SP5: variants seen among roughly 807,000 people sequenced by gnomAD.
The protein encoded by SP5 is transcription factor Sp5.
In SP5, 12 loss-of-function variants were observed where a neutral mutation model predicts 27.4. That is an observed-to-expected ratio of 0.44 (90% CI 0.28 to 0.71). The LOEUF is 0.71. Ranked by LOEUF, SP5 falls within the 30% of genes least tolerant of loss-of-function variation. SP5 has a pLI of 0.15. For synonymous variants in SP5, 330 were observed against 290.7 expected (o/e 1.14, Z -1.38); for missense variants, 660 against 589.8 (o/e 1.12, Z -1.23).
At position 170,717,280 on chromosome 2, in the gene SP5, G is replaced by C; in HGVS notation, c.1073G>C (p.Cys358Ser). The part of the protein sequence containing the change: ...RTHTGEKRFA[C>S]PECGKRFMRS... ...CACACGGGCGAGAAGCGCTTTGCCT[G>C]TCCCGAGTGCGGCAAGCGCTTCATG... The change falls in exon 2 of 2, where the codon TGT becomes TCT. Residue 358 changes from cysteine to serine, a missense_variant. Coordinates refer to ENST00000375281, the MANE Select transcript of SP5 (RefSeq NM_001003845.3). The C allele has an allele frequency of 6.2e-7, 1 of 1,610,048 alleles. No individual in the cohort carries two copies. Among genetic ancestry groups the C allele is most frequent in the Non-Finnish European group, 8.5e-7 (1 of 1,179,774 alleles).
chr2:170,717,577 A>T lies in SP5; in HGVS notation c.*173A>T. ...CGGACATAGGGACCCAGTTCCCAGG[A>T]GCGGGGAGGTAGGGTTGGGGCTGGG... On this transcript the variant is annotated 3_prime_UTR_variant, in exon 2 of 2. Transcript: ENST00000375281. 1 of 868,518 alleles carries T rather than the reference A, an allele frequency of 1.2e-6. No individual in the cohort carries two copies. The highest frequency in any genetic ancestry group is 1.7e-6 in the Non-Finnish European group (1 of 579,184). 53.8% of individuals were successfully genotyped at this position (868,518 alleles called of 1,614,324 possible). A position where few individuals can be genotyped will look rare whatever the true frequency, so the allele number is the denominator to read the frequency against.
In SP5 at chr2:170,717,579, C is replaced by G. The variant is rs970035164; in HGVS notation, c.*175C>G. ...GACATAGGGACCCAGTTCCCAGGAGCGGGGAGGTAGGGTTGGGGCTGGGGC... is the reference window on the plus strand; with the variant it reads ...GACATAGGGACCCAGTTCCCAGGAGGGGGGAGGTAGGGTTGGGGCTGGGGC... On this transcript the variant is annotated 3_prime_UTR_variant, in exon 2 of 2. Transcript: ENST00000375281. 2 of 866,674 alleles carry G rather than the reference C, an allele frequency of 2.3e-6. No homozygotes were observed. The highest frequency in any genetic ancestry group is 3.5e-6 in the Non-Finnish European group (2 of 578,034). 53.7% of individuals were successfully genotyped at this position (866,674 alleles called of 1,614,324 possible).
At position 170,715,360 on chromosome 2, in the gene SP5, C is replaced by G; in HGVS notation, c.-153C>G. On this transcript the variant is annotated 5_prime_UTR_variant, in exon 1 of 2. Transcript: ENST00000375281. ...TCAGACCGCGCGCGGGGCGAGCGAG[C>G]GGGGCGCGGCGAGGGGCAAGGGCGG... The G allele has an allele frequency of 2.0e-6, 2 of 995,326 alleles. No homozygotes were observed. The highest frequency in any genetic ancestry group is 3.5e-4 in the Middle Eastern group (1 of 2,896). The allele number at this position is 995,326 out of a possible 1,614,324, so 61.7% of individuals were successfully genotyped here.
rs971139279 is a variant in SP5, at chr2:170,715,776, G to T, written c.51+213G>T. On this transcript the variant is annotated intron_variant, in intron 1 of 1. Transcript: ENST00000375281. ...ATCCGGGATTGTTCGGAGGTGCCCGGCTGGCCGAGAACAGGACCGGAGCTC... is the reference window on the plus strand; with the variant it reads ...ATCCGGGATTGTTCGGAGGTGCCCGTCTGGCCGAGAACAGGACCGGAGCTC... 3.0e-6 allele frequency: 3 copies of T among 985,328 alleles called. No individual in the cohort carries two copies. The African/African-American group carries it at 5.2e-5, about 17-fold the overall frequency. The allele number at this position is 985,328 out of a possible 1,614,324, so 61.0% of individuals were successfully genotyped here.
chr2:170,716,518 C>A lies in SP5; in HGVS notation c.311C>A (p.Ser104Tyr). 2 of 1,611,150 alleles carry A rather than the reference C, an allele frequency of 1.2e-6. No individual in the cohort carries two copies. The highest frequency in any genetic ancestry group is 1.7e-6 in the Non-Finnish European group (2 of 1,179,398). ...LTPQKTHLQPSFGAAHELPLT... is the reference protein window; with the variant it reads ...LTPQKTHLQPYFGAAHELPLT... ...CCGCAGAAGACGCACCTGCAGCCGT[C>A]CTTCGGGGCTGCGCACGAGCTTCCC... The change falls in exon 2 of 2, where the codon TCC (serine) becomes TAC (tyrosine). Residue 104 changes from serine to tyrosine, a missense_variant. Ser to Tyr is a moderately radical substitution (Grantham distance 144). Coordinates refer to ENST00000375281, the MANE Select transcript of SP5 (RefSeq NM_001003845.3).
Position 170,715,348 on chromosome 2 carries a change from G to A in SP5, c.-165G>A. ...ATCCTGAAGCGCTCAGACCGCGCGCGGGGCGAGCGAGCGGGGCGCGGCGAG... is the reference window on the plus strand; with the variant it reads ...ATCCTGAAGCGCTCAGACCGCGCGCAGGGCGAGCGAGCGGGGCGCGGCGAG... On this transcript the variant is annotated 5_prime_UTR_variant, in exon 1 of 2. Coordinates refer to ENST00000375281, the MANE Select transcript of SP5 (RefSeq NM_001003845.3). The A allele has an allele frequency of 3.5e-6, 3 of 863,374 alleles. No homozygotes were observed. Among genetic ancestry groups the A allele is most frequent in the Non-Finnish European group, 4.9e-6 (3 of 616,906 alleles). The allele number at this position is 863,374 out of a possible 1,614,324, so 53.5% of individuals were successfully genotyped here. A position where few individuals can be genotyped will look rare whatever the true frequency, so the allele number is the denominator to read the frequency against.
rs1271611665 is a variant in SP5 at position 170,716,633 on chromosome 2, C to T, written c.426C>T (p.Cys142=). The change falls in exon 2 of 2, where the codon TGC becomes TGT. Residue 142 remains cysteine, a synonymous_variant. Coordinates refer to ENST00000375281, the MANE Select transcript of SP5 (RefSeq NM_001003845.3). ...PSSMAALPAS[C]APAYVPYAAQ... is the part of the protein sequence containing the mutation. ...GCATGGCGGCTCTGCCCGCCAGCTG[C>T]GCGCCCGCCTACGTGCCCTACGCGG... is the stretch of plus-strand genomic sequence containing the variant. The T allele has an allele frequency of 4.4e-6, 7 of 1,606,940 alleles. No individual in the cohort carries two copies. The highest frequency in any genetic ancestry group is 5.9e-6 in the Non-Finnish European group (7 of 1,178,052).
chr2:170,716,531 G>C lies in SP5; in HGVS notation c.324G>C (p.Ala108=). 6.2e-7 allele frequency: 1 copy of C among 1,611,122 alleles called. No individual in the cohort carries two copies. The highest frequency in any genetic ancestry group is 8.5e-7 in the Non-Finnish European group (1 of 1,179,362). The change falls in exon 2 of 2, where the codon GCG becomes GCC. Residue 108 remains alanine, a synonymous_variant. Coordinates refer to ENST00000375281, the MANE Select transcript of SP5 (RefSeq NM_001003845.3). ...ACCTGCAGCCGTCCTTCGGGGCTGCGCACGAGCTTCCCCTTACACCCCCCG... is the reference window on the plus strand; with the variant it reads ...ACCTGCAGCCGTCCTTCGGGGCTGCCCACGAGCTTCCCCTTACACCCCCCG... ...KTHLQPSFGA[A]HELPLTPPAD... is the part of the protein sequence containing the mutation.
rs752582801 is a variant in SP5 at position 170,717,271 on chromosome 2, G to T, written c.1064G>T (p.Arg355Leu). Residue 355 changes from arginine (R) to leucine (L), a missense_variant, in exon 2 of 2, where the codon CGC becomes CTC. Arg to Leu is a moderately radical substitution (Grantham distance 102, BLOSUM62 -2). Transcript: ENST00000375281. Reference sequence around the variant, plus strand: ...CTGCGGACTCACACGGGCGAGAAGCGCTTTGCCTGTCCCGAGTGCGGCAAG... The same window carrying T: ...CTGCGGACTCACACGGGCGAGAAGCTCTTTGCCTGTCCCGAGTGCGGCAAG... ...RHLRTHTGEK[R>L]FACPECGKRF... 5 of 1,609,740 alleles carry T rather than the reference G, an allele frequency of 3.1e-6. No individual in the cohort carries two copies. The highest frequency in any genetic ancestry group is 1.7e-5 in the Admixed American group (1 of 59,912).
Position 170,717,113 on chromosome 2 carries a change from C to A in SP5, c.906C>A (p.Gly302=), listed in dbSNP as rs151104583. ...KKKQHVCHVP[G]CGKVYGKTSH... ...AGCAGCACGTGTGCCACGTGCCGGG[C>A]TGCGGCAAGGTGTACGGGAAGACGT... The change falls in exon 2 of 2, where the codon GGC becomes GGA. Residue 302 remains glycine (G), a synonymous_variant. Transcript: ENST00000375281. 4.0e-4 allele frequency: 632 copies of A among 1,590,344 alleles called. 2 individuals carry two copies. Among genetic ancestry groups the A allele is most frequent in the Non-Finnish European group, 5.0e-4 (582 of 1,169,720 alleles).
Position 170,716,459 on chromosome 2 carries a change from A to C in SP5, c.252A>C (p.Ala84=), listed in dbSNP as rs1700069748. The C allele has an allele frequency of 6.2e-7, 1 of 1,606,158 alleles. No individual in the cohort carries two copies. The highest frequency in any genetic ancestry group is 8.5e-7 in the Non-Finnish European group (1 of 1,178,994). ...ACATGCCGGCGCACTCGCCAGGCGCACTGCCGCCCCCGCATCCCAGCTTGG... is the reference window on the plus strand; with the variant it reads ...ACATGCCGGCGCACTCGCCAGGCGCCCTGCCGCCCCCGCATCCCAGCTTGG... ...TADMPAHSPG[A]LPPPHPSLGL... is the part of the protein sequence containing the mutation. Residue 84 remains alanine, a synonymous_variant, in exon 2 of 2, where the codon GCA becomes GCC. Transcript: ENST00000375281.
intron 1 of SP5, chr2:170,715,868 G>C: frequency 1.0e-6 from 1 of 985,432 alleles, no homozygotes. Flanking sequence ...AGGCAGTGAG[G>C]ACAAGAGAGC....
chr2:170,717,206 C>T lies in SP5; in HGVS notation c.999C>T (p.Cys333=), dbSNP rs147780061. 292 of 1,608,434 alleles carry T rather than the reference C, an allele frequency of 1.8e-4. No individual in the cohort carries two copies. In the African/African-American group the frequency reaches 3.4e-3, roughly 19 times the overall value. The change falls in exon 2 of 2, where the codon TGC becomes TGT. Residue 333 remains cysteine, a synonymous_variant. Coordinates refer to ENST00000375281, the MANE Select transcript of SP5 (RefSeq NM_001003845.3). The part of the protein sequence containing the change: ...ERPFVCNWLF[C]GKSFTRSDEL... The stretch of plus-strand genomic sequence containing the variant: ...CCTTCGTGTGCAACTGGCTCTTCTG[C>T]GGGAAGAGCTTCACGCGCTCGGACG...
rs1700077270 is a variant in SP5, at chr2:170,716,699, T to G, written c.492T>G (p.Pro164=). Residue 164 remains proline, a synonymous_variant, in exon 2 of 2, where the codon CCT becomes CCG. Transcript: ENST00000375281. The part of the protein sequence containing the change: ...ALPPGYSNLL[P]PPPPPPPPPT... ...CGCCAGGCTACTCCAACCTGCTGCC[T>G]CCGCCGCCGCCACCGCCCCCGCCGC... 1.3e-6 allele frequency: 2 copies of G among 1,521,458 alleles called. No individual in the cohort carries two copies. The highest frequency in any genetic ancestry group is 1.7e-6 in the Non-Finnish European group (2 of 1,143,774). The allele number at this position is 1,521,458 out of a possible 1,614,324, so 94.2% of individuals were successfully genotyped here. A position where few individuals can be genotyped will look rare whatever the true frequency, so the allele number is the denominator to read the frequency against.
chr2:170,716,100 G>A lies in SP5; in HGVS notation c.52-159G>A, dbSNP rs1054555526. On this transcript the variant is annotated intron_variant, in intron 1 of 1. Transcript: ENST00000375281. ...CAGGCACCAAAAGTTTCCCTCGGCCGGTGGGTGCGTGCGTGGGGTGCGGTG... is the reference window on the plus strand; with the variant it reads ...CAGGCACCAAAAGTTTCCCTCGGCCAGTGGGTGCGTGCGTGGGGTGCGGTG... 51 of 1,403,134 alleles carry A rather than the reference G, an allele frequency of 3.6e-5. No homozygotes were observed. In the African/African-American group the frequency reaches 7.3e-4, roughly 20 times the overall value. 86.9% of individuals were successfully genotyped at this position (1,403,134 alleles called of 1,614,324 possible).
In SP5 at chr2:170,716,989, A is replaced by C; in HGVS notation, c.782A>C (p.Lys261Thr). ...CAGATCGCCGCGCTGCTGCAGACCAAGGCCCCCCTGGCGGCCACGGCCAGG... is the reference window on the plus strand; with the variant it reads ...CAGATCGCCGCGCTGCTGCAGACCACGGCCCCCCTGGCGGCCACGGCCAGG... ...QSQIAALLQT[K>T]APLAATARRC... Residue 261 changes from lysine to threonine, a missense_variant, in exon 2 of 2, where the codon AAG (lysine) becomes ACG (threonine). Lys to Thr is a moderately conservative substitution (Grantham distance 78). Transcript: ENST00000375281. The C allele has an allele frequency of 6.5e-7, 1 of 1,547,732 alleles. No homozygotes were observed.
At chr2:170,715,894 G>C (rs1700054139) in intron 1 of SP5, 3 of 1,333,136 alleles carry the variant, frequency 2.3e-6, no homozygotes, top group South Asian at 2.0e-5. Flanking sequence ...AGATGGGAGG[G>C]AGAGCGGCCG....
rs1209653954 is a variant in SP5 at position 170,716,526 on chromosome 2, G to A, written c.319G>A (p.Ala107Thr). The part of the protein sequence containing the change: ...QKTHLQPSFG[A>T]AHELPLTPPA... ...GACGCACCTGCAGCCGTCCTTCGGG[G>A]CTGCGCACGAGCTTCCCCTTACACC... is the stretch of plus-strand genomic sequence containing the variant. Residue 107 changes from alanine to threonine, a missense_variant, in exon 2 of 2, where the codon GCT (alanine) becomes ACT (threonine). Coordinates refer to ENST00000375281, the MANE Select transcript of SP5 (RefSeq NM_001003845.3). 3 of 1,611,150 alleles carry A rather than the reference G, an allele frequency of 1.9e-6. No individual in the cohort carries two copies. Among genetic ancestry groups the A allele is most frequent in the Non-Finnish European group, 2.5e-6 (3 of 1,179,374 alleles).
In SP5 at chr2:170,715,426, C is replaced by T; in HGVS notation, c.-87C>T. 2 of 1,507,478 alleles carry T rather than the reference C, an allele frequency of 1.3e-6. No individual in the cohort carries two copies. Among genetic ancestry groups the T allele is most frequent in the Admixed American group, 2.1e-5 (1 of 48,108 alleles). 93.4% of individuals were successfully genotyped at this position (1,507,478 alleles called of 1,614,324 possible). A position where few individuals can be genotyped will look rare whatever the true frequency, so the allele number is the denominator to read the frequency against. On this transcript the variant is annotated 5_prime_UTR_variant, in exon 1 of 2. Coordinates refer to ENST00000375281, the MANE Select transcript of SP5 (RefSeq NM_001003845.3). Reference sequence around the variant, plus strand: ...TCAGAGCAGGCGCCAGGGAGGCAGGCTGGGCGGCCCTTCGTCCTCGCCTTC... The same window carrying T: ...TCAGAGCAGGCGCCAGGGAGGCAGGTTGGGCGGCCCTTCGTCCTCGCCTTC...
Sources: gnomAD v4.1 joint callset for allele counts on GRCh38, gnomAD v4.1.1 for gene constraint, MANE v1.5 for transcripts, NCBI Gene and HGNC (gene_info 2026-07-23, HGNC 2026-07-21) for gene names.